The following CRB1 variants were observed in gnomAD, a reference collection of about 807,000 sequenced individuals.
The protein encoded by CRB1 is protein crumbs homolog 1.
In CRB1, 83 loss-of-function variants were observed where a neutral mutation model predicts 120.0. The observed-to-expected ratio is 0.69, with a 90% CI of 0.58 to 0.83. CRB1 has a LOEUF of 0.83. CRB1 is among the 40% of genes least tolerant of loss of function. CRB1 has a pLI of 0.00. For missense variants in CRB1, 1,699 were observed against 1,687.6 expected (o/e 1.01, Z -0.12); for synonymous variants, 625 against 612.5 (o/e 1.02, Z -0.30).
intron 1 of CRB1, among the ~76,000 whole-genome samples, chr1:197,276,210 A>ATACTGCTGTATCCCG (rs1655197819): frequency 6.6e-6 from 1 of 151,926 alleles, no homozygotes; most frequent in Non-Finnish European, 1.5e-5. Context: ...GCTGTATCCC[A>ATACTGCTGTATCCCG]TACTGCTGTA....
the CRB1 span, among the ~76,000 whole-genome samples, chr1:197,254,530 G>A: frequency 6.6e-6 from 1 of 151,902 alleles, no homozygotes; most frequent in Non-Finnish European, 1.5e-5. Context: ...GTCAGGCTCT[G>A]TTGCTATTTC....
At chr1:197,432,298 T>C (rs1466452053) in intron 8 of CRB1, among the ~76,000 whole-genome samples, 1 of 151,550 alleles carries the variant, frequency 6.6e-6, no homozygotes, top group Non-Finnish European at 1.5e-5. Flanking sequence ...CTTAAAAACA[T>C]GTAATGAAAC....
At chr1:197,405,340 G>C (rs1436098300) in intron 5 of CRB1, among the ~76,000 whole-genome samples, 1 of 152,098 alleles carries the variant, frequency 6.6e-6, no homozygotes, top group African/African-American at 2.4e-5. Context: ...GGCCTCCCGA[G>C]GTGCCGGGAT....
chr1:197,356,711 G>A, intron 4 of CRB1, 120 bp from the exon 5 acceptor site: 3 of 943,242 alleles, frequency 3.2e-6, no homozygotes, highest in Non-Finnish European at 5.0e-6. Context: ...CCAGCTCCTT[G>A]AGGGCAGGCA....
intron 11 of CRB1, among the ~76,000 whole-genome samples, chr1:197,458,359 C>CTT (rs201446408): frequency 1.3e-5 from 2 of 151,354 alleles, no homozygotes; most frequent in East Asian, 3.9e-4. Flanking sequence ...TAAAGCTTAT[C>CTT]TTTTTTTTTA....
At chr1:197,358,989 T>C (rs2125358294) in intron 5 of CRB1, among the ~76,000 whole-genome samples, 1 of 152,354 alleles carries the variant, frequency 6.6e-6, no homozygotes, top group African/African-American at 2.4e-5. Flanking sequence ...CTGCCTACTA[T>C]GTCACATATT....
intron 1 of CRB1, among the ~76,000 whole-genome samples, chr1:197,319,391 A>G (rs184814649): frequency 8.9e-4 from 124 of 139,528 alleles, no homozygotes; most frequent in African/African-American, 3.2e-3. Flanking sequence ...TCATGCCACT[A>G]CACTACACTG....
At chr1:197,311,072 C>G (rs1261352800) in intron 1 of CRB1, among the ~76,000 whole-genome samples, 2 of 152,156 alleles carry the variant, frequency 1.3e-5, no homozygotes, top group Non-Finnish European at 2.9e-5. Flanking sequence ...TTTATACTGA[C>G]ACAATTTCAG....
chr1:197,256,365 T>C, the CRB1 span, among the ~76,000 whole-genome samples: 2 of 151,922 alleles, frequency 1.3e-5, no homozygotes, highest in Non-Finnish European at 2.9e-5. Context: ...TTATTTTTTA[T>C]AAATAACTCC....
At chr1:197,367,537 T>G (rs917414186) in intron 5 of CRB1, among the ~76,000 whole-genome samples, 1 of 152,226 alleles carries the variant, frequency 6.6e-6, no homozygotes, top group Admixed American at 6.5e-5. Context: ...TGCTTACCCT[T>G]GAACCATCCT....
At chr1:197,212,689 G>A in the CRB1 span, among the ~76,000 whole-genome samples, 1 of 152,086 alleles carries the variant, frequency 6.6e-6, no homozygotes, top group Non-Finnish European at 1.5e-5. Context: ...GGTTTCATCA[G>A]GGTGTACATA....
At chr1:197,420,498 A>G (rs1400828718) in intron 5 of CRB1, among the ~76,000 whole-genome samples, 2 of 152,156 alleles carry the variant, frequency 1.3e-5, no homozygotes, top group African/African-American at 2.4e-5. Context: ...AGTTGTTTGG[A>G]CTATTTATAT....
intron 5 of CRB1, among the ~76,000 whole-genome samples, chr1:197,410,563 T>C (rs1206736383): frequency 1.3e-5 from 2 of 152,222 alleles, no homozygotes; most frequent in African/African-American, 4.8e-5. Flanking sequence ...AATTGCCTCA[T>C]TTAATCCTTA....
In CRB1 at chr1:197,292,600, C is replaced by A. The variant is rs191194454; in HGVS notation, c.70+24118C>A. Among the ~76,000 whole-genome samples, 588 of 151,900 alleles carry A rather than the reference C, an allele frequency of 3.9e-3. 3 individuals carry two copies. The highest frequency in any genetic ancestry group is 0.013 in the African/African-American group (553 of 41,454). On this transcript the variant is annotated intron_variant, in intron 1 of 11. Coordinates refer to ENST00000367400, the MANE Select transcript of CRB1 (RefSeq NM_201253.3). Reference sequence around the variant, plus strand: ...CTGATACAAAAGCCTGGCACAGACACAACAAAAAAAAGAGAATTTTAGACC... The same window carrying A: ...CTGATACAAAAGCCTGGCACAGACAAAACAAAAAAAAGAGAATTTTAGACC...
At chr1:197,433,060 A>AT (rs34949598) in intron 8 of CRB1, among the ~76,000 whole-genome samples, 11,709 of 144,754 alleles carry the variant, frequency 0.081, 1,522 homozygotes, top group African/African-American at 0.27. Context: ...TTTGTCATGA[A>AT]TTTTTTTTTT....
the CRB1 span, among the ~76,000 whole-genome samples, chr1:197,202,724 C>G: frequency 6.6e-6 from 1 of 151,788 alleles, no homozygotes; most frequent in Non-Finnish European, 1.5e-5. Context: ...ACCAATAGAC[C>G]AAAAATTTGG....
intron 6 of CRB1, among the ~76,000 whole-genome samples, chr1:197,424,538 T>C (rs1460271197): frequency 6.6e-6 from 1 of 152,164 alleles, no homozygotes; most frequent in Non-Finnish European, 1.5e-5. Flanking sequence ...TTGTATTCCT[T>C]CTAAGATGTG....
intron 5 of CRB1, among the ~76,000 whole-genome samples, chr1:197,390,636 T>C (rs1056073264): frequency 1.9e-4 from 29 of 152,258 alleles, no homozygotes; most frequent in African/African-American, 6.5e-4. Flanking sequence ...ATACCTTGTT[T>C]TGTTTACCCA....
rs115001898 is a variant in CRB1, at chr1:197,347,072, T to C, written c.849-268T>C. Among the ~76,000 whole-genome samples the C allele has an allele frequency of 7.4e-3, 1,133 of 152,322 alleles. 15 individuals are homozygous for C. The highest frequency in any genetic ancestry group is 0.026 in the African/African-American group (1,065 of 41,568). On this transcript the variant is annotated intron_variant, in intron 3 of 11. Transcript: ENST00000367400. Reference sequence around the variant, plus strand: ...TAATTGTCACAATAACCTTGTAATATAGGTACTATATTCAATTTATGAATG... The same window carrying C: ...TAATTGTCACAATAACCTTGTAATACAGGTACTATATTCAATTTATGAATG...
Sources: gnomAD v4.1 joint callset for allele counts (sites outside exome capture counted in the v4.1 genomes callset) on GRCh38, gnomAD v4.1.1 for gene constraint, MANE v1.5 for transcripts, NCBI Gene and HGNC (gene_info 2026-07-23, HGNC 2026-07-21) for gene names.